Variants in HEMK2 observed in about 807,000 individuals in gnomAD.
HEMK2 encodes the protein methyltransferase HEMK2.
the HEMK2 span, among the ~76,000 whole-genome samples, chr21:28,863,407 CTTTT>C: frequency 1.9e-3 from 129 of 66,412 alleles, 1 homozygote; most frequent in African/African-American, 8.7e-3. Flanking sequence ...AATAAACTCC[CTTTT>C]ATATATATAT....
chr21:28,642,629 G>A, the HEMK2 span, among the ~76,000 whole-genome samples: 1 of 152,192 alleles, frequency 6.6e-6, no homozygotes, highest in South Asian at 2.1e-4. Flanking sequence ...CTGTTTGAAA[G>A]GTGATGAATG....
the HEMK2 span, chr21:28,885,285 C>A: frequency 6.3e-6 from 10 of 1,592,914 alleles, no homozygotes; most frequent in East Asian, 4.6e-5. Flanking sequence ...TCGTACACGT[C>A]GCTGAAGGCG....
the HEMK2 span, among the ~76,000 whole-genome samples, chr21:28,620,904 C>T: frequency 6.6e-6 from 1 of 151,752 alleles, no homozygotes; most frequent in Non-Finnish European, 1.5e-5. Context: ...GATCTCTTGA[C>T]CTCATGATCT....
At chr21:28,686,497 T>A in the HEMK2 span, among the ~76,000 whole-genome samples, 1 of 152,130 alleles carries the variant, frequency 6.6e-6, no homozygotes, top group Non-Finnish European at 1.5e-5. Flanking sequence ...CCTCCCAAAG[T>A]GCTGCAATTA....
the HEMK2 span, among the ~76,000 whole-genome samples, chr21:28,841,539 CTG>C: frequency 7.2e-6 from 1 of 139,692 alleles, no homozygotes; most frequent in Non-Finnish European, 1.5e-5. Context: ...AGACTGGAGA[CTG>C]TTATTCTAAG....
chr21:28,713,127 A>G, the HEMK2 span, among the ~76,000 whole-genome samples: 2 of 152,044 alleles, frequency 1.3e-5, no homozygotes, highest in Non-Finnish European at 2.9e-5. Flanking sequence ...AATTTGGGAG[A>G]CCAGGATTCA....
the HEMK2 span, among the ~76,000 whole-genome samples, chr21:28,717,480 C>CTTTTTTT: frequency 9.0e-4 from 105 of 117,292 alleles, 3 homozygotes; most frequent in African/African-American, 3.2e-3. Context: ...TCATTTTAGT[C>CTTTTTTT]TTTTTTTTTT....
chr21:28,803,751 C>A, the HEMK2 span, among the ~76,000 whole-genome samples: 3 of 152,328 alleles, frequency 2.0e-5, no homozygotes, highest in Admixed American at 6.5e-5. Context: ...TCATTTCTTT[C>A]TACCTCTACT....
the HEMK2 span, among the ~76,000 whole-genome samples, chr21:28,622,384 C>T: frequency 5.9e-5 from 9 of 152,172 alleles, no homozygotes; most frequent in African/African-American, 1.7e-4. Context: ...GAATCAATAT[C>T]ATGAAAATGG....
the HEMK2 span, among the ~76,000 whole-genome samples, chr21:28,667,109 AAAGAT>A: frequency 1.3e-5 from 2 of 152,138 alleles, no homozygotes; most frequent in African/African-American, 4.8e-5. Context: ...TATTAGAAAT[AAAGAT>A]AATATATATA....
At chr21:28,756,849 G>C in the HEMK2 span, among the ~76,000 whole-genome samples, 5 of 152,154 alleles carry the variant, frequency 3.3e-5, no homozygotes, top group Non-Finnish European at 5.9e-5. Context: ...TCAGCATCTA[G>C]ACAATGTTCT....
chr21:28,814,296 A>T, the HEMK2 span, among the ~76,000 whole-genome samples: 497 of 133,838 alleles, frequency 3.7e-3, 2 homozygotes, highest in African/African-American at 0.014. Context: ...AAACCTAGGC[A>T]ATACCATTCA....
the HEMK2 span, chr21:28,879,809 T>C: frequency 3.5e-5 from 45 of 1,293,230 alleles, no homozygotes; most frequent in Admixed American, 6.7e-5. Flanking sequence ...ATGACATTCA[T>C]TTGATTTTAC....
chr21:28,859,006 A>G, the HEMK2 span, among the ~76,000 whole-genome samples: 1 of 152,196 alleles, frequency 6.6e-6, no homozygotes, highest in African/African-American at 2.4e-5. Context: ...CTATTTCACT[A>G]TCAGCCAGCT....
At chr21:28,811,400 A>AGAAG in the HEMK2 span, among the ~76,000 whole-genome samples, 27 of 129,692 alleles carry the variant, frequency 2.1e-4, no homozygotes, top group South Asian at 1.7e-3. Context: ...GGAGAAACAG[A>AGAAG]GAAGGAAGGA....
the HEMK2 span, among the ~76,000 whole-genome samples, chr21:28,745,839 A>C: frequency 2.7e-3 from 404 of 152,338 alleles, 2 homozygotes; most frequent in African/African-American, 9.1e-3. Context: ...CAGCATGTAT[A>C]CAAGAACATG....
the HEMK2 span, among the ~76,000 whole-genome samples, chr21:28,710,620 T>A: frequency 6.6e-6 from 1 of 152,040 alleles, no homozygotes; most frequent in Non-Finnish European, 1.5e-5. Flanking sequence ...AGAAATCACA[T>A]CACCTTAAAA....
At chr21:28,789,178 G>A in the HEMK2 span, among the ~76,000 whole-genome samples, 1 of 152,144 alleles carries the variant, frequency 6.6e-6, no homozygotes, top group South Asian at 2.1e-4. Context: ...TAAGTTTTTA[G>A]TGTAAGGACG....
At chr21:28,767,850 C>T in the HEMK2 span, among the ~76,000 whole-genome samples, 4 of 151,982 alleles carry the variant, frequency 2.6e-5, no homozygotes, top group African/African-American at 9.7e-5. Flanking sequence ...CATGAAACAT[C>T]CTCTCACAGT....
Sources: allele counts gnomAD v4.1 joint callset (sites outside exome capture counted in the v4.1 genomes callset), GRCh38; gene constraint gnomAD v4.1.1; transcripts MANE v1.5; gene names NCBI Gene and HGNC (gene_info 2026-07-23, HGNC 2026-07-21).